Variants in AFF3 observed in about 807,000 individuals in gnomAD.
AFF3 encodes the protein AF4/FMR2 family member 3.
A neutral mutation model predicts 129.7 loss-of-function variants in AFF3; 32 were observed. The observed-to-expected ratio is 0.25, with a 90% CI of 0.19 to 0.33. AFF3 has a LOEUF of 0.33. Among genes scored for constraint, AFF3 ranks in the 10% least tolerant of loss-of-function variants. The pLI, the probability that AFF3 is intolerant of heterozygous loss-of-function variation, is 1.00. For missense variants in AFF3, 1,373 were observed against 1,592.0 expected, an observed-to-expected ratio of 0.86 and a Z score of 2.34; for synonymous variants, 644 against 635.4, an observed-to-expected ratio of 1.01 and a Z score of -0.20.
intron 8 of AFF3, among the ~76,000 whole-genome samples, chr2:99,754,313 C>T (rs1681912132): frequency 6.6e-6 from 1 of 152,228 alleles, no homozygotes; most frequent in African/African-American, 2.4e-5. Flanking sequence ...CACTGCTAAT[C>T]AGCCACTCAA....
intron 4 of AFF3, among the ~76,000 whole-genome samples, chr2:100,049,791 C>T (rs1489000760): frequency 1.3e-5 from 2 of 152,118 alleles, no homozygotes; most frequent in African/African-American, 4.8e-5. Context: ...TATAAATAAT[C>T]CAATGGGCAG....
At chr2:100,038,851 T>C (rs1415937587) in intron 4 of AFF3, among the ~76,000 whole-genome samples, 5 of 152,020 alleles carry the variant, frequency 3.3e-5, no homozygotes, top group South Asian at 2.1e-4. Flanking sequence ...GCCTCCCAAG[T>C]AGCTGGGATT....
At chr2:99,651,305 A>T (rs1304493046) in intron 12 of AFF3, among the ~76,000 whole-genome samples, 2 of 152,166 alleles carry the variant, frequency 1.3e-5, no homozygotes, top group African/African-American at 2.4e-5. Flanking sequence ...AGGCCAAGGA[A>T]GGCAGATGGC....
In AFF3 at chr2:99,996,527, ATTTTTTTTTT is replaced by A. The variant is rs756231548; in HGVS notation, c.873+10095_873+10104del. ...AGGCACCTGCCACCACGCCCGGCTA[ATTTTTTTTTT>A]TTTTTTTTTTTTTTTTGTATTTTTA... On this transcript the variant is annotated intron_variant, in intron 7 of 24. Transcript: ENST00000672756. 4.4e-4 allele frequency among the ~76,000 whole-genome samples: 50 copies of A among 114,076 alleles called. 1 individual carries two copies. The highest frequency in any genetic ancestry group is 7.9e-4 in the Admixed American group (9 of 11,374). 74.8% of individuals were successfully genotyped at this position (114,076 alleles called of 152,430 possible).
chr2:100,077,482 C>A (rs757994572), intron 4 of AFF3, among the ~76,000 whole-genome samples: 10 of 152,140 alleles, frequency 6.6e-5, no homozygotes, highest in African/African-American at 2.2e-4. Context: ...AGAAGGAGCA[C>A]AGGCCTGCCA....
At chr2:99,787,738 C>G (rs1015660791) in intron 8 of AFF3, among the ~76,000 whole-genome samples, 2 of 151,998 alleles carry the variant, frequency 1.3e-5, no homozygotes, top group African/African-American at 4.8e-5. Flanking sequence ...AACAAACAAA[C>G]GAACAAACAA....
chr2:99,918,870 C>G (rs1365066845), intron 7 of AFF3, among the ~76,000 whole-genome samples: 1 of 152,172 alleles, frequency 6.6e-6, no homozygotes, highest in Non-Finnish European at 1.5e-5. Flanking sequence ...GAAGACCAAA[C>G]TTGGGTATCT....
intron 7 of AFF3, among the ~76,000 whole-genome samples, chr2:100,003,276 G>C (rs1410114750): frequency 6.6e-6 from 1 of 152,226 alleles, no homozygotes; most frequent in African/African-American, 2.4e-5. Context: ...CCCAATGTTT[G>C]AATCTGGAAT....
chr2:100,044,270 A>G (rs1375589693), intron 4 of AFF3, among the ~76,000 whole-genome samples: 1 of 152,200 alleles, frequency 6.6e-6, no homozygotes, highest in Non-Finnish European at 1.5e-5. Context: ...CTCGTGGAAA[A>G]CAGCTCACCC....
chr2:99,777,218 C>A (rs975040293), intron 8 of AFF3, among the ~76,000 whole-genome samples: 26 of 152,256 alleles, frequency 1.7e-4, no homozygotes, highest in African/African-American at 4.8e-4. Context: ...TGAGTTCCTA[C>A]CCAGGTCCTC....
At chr2:99,682,061 C>A (rs1674586877) in intron 11 of AFF3, among the ~76,000 whole-genome samples, 1 of 152,108 alleles carries the variant, frequency 6.6e-6, no homozygotes, top group Non-Finnish European at 1.5e-5. Context: ...TGCCTGCCAC[C>A]ACACCCGGCT....
rs150462120 is a variant in AFF3 at position 100,129,868 on chromosome 2, A to G, written c.-227-562T>C. ...ATTTGCTCATGGTCACATAGCTTCT[A>G]GTGCCTGGCATGTATGAGGCCTGCA... On this transcript the variant is annotated intron_variant, in intron 1 of 24. Coordinates refer to ENST00000672756, the MANE Select transcript of AFF3 (RefSeq NM_001386135.1). 1.7e-3 allele frequency among the ~76,000 whole-genome samples: 260 copies of G among 152,308 alleles called. 2 individuals are homozygous for G. Among genetic ancestry groups the G allele is most frequent in the Middle Eastern group, 0.01 (3 of 294 alleles).
At chr2:99,737,319 C>T (rs1680340281) in intron 10 of AFF3, among the ~76,000 whole-genome samples, 1 of 152,130 alleles carries the variant, frequency 6.6e-6, no homozygotes, top group Non-Finnish European at 1.5e-5. Flanking sequence ...ACTTTCACTG[C>T]ATTTAATCTT....
intron 7 of AFF3, among the ~76,000 whole-genome samples, chr2:99,947,822 C>T (rs925890620): frequency 1.3e-5 from 2 of 152,056 alleles, no homozygotes; most frequent in Non-Finnish European, 2.9e-5. Flanking sequence ...TGGACACCAG[C>T]TCAAGAGAGA....
chr2:100,028,090 T>A (rs1473859078), intron 4 of AFF3, among the ~76,000 whole-genome samples: 2 of 152,190 alleles, frequency 1.3e-5, no homozygotes, highest in African/African-American at 4.8e-5. Flanking sequence ...GGTGAAACCA[T>A]TTTTACCTGC....
chr2:99,708,506 G>A (rs576587729), intron 11 of AFF3, among the ~76,000 whole-genome samples: 13 of 152,262 alleles, frequency 8.5e-5, no homozygotes, highest in African/African-American at 3.1e-4. Context: ...GGACCTTGGC[G>A]CAGTAACAGA....
chr2:99,842,252 C>A (rs2105818702), intron 7 of AFF3, among the ~76,000 whole-genome samples: 1 of 152,244 alleles, frequency 6.6e-6, no homozygotes, highest in South Asian at 2.1e-4. Context: ...CTGGTTTCAG[C>A]TGCAGTTGTG....
chr2:99,619,759 C>T (rs1681809583), intron 13 of AFF3, among the ~76,000 whole-genome samples: 1 of 152,138 alleles, frequency 6.6e-6, no homozygotes, highest in African/African-American at 2.4e-5. Context: ...GCGATTCTCA[C>T]ACACAGATGA....
chr2:99,649,129 G>A (rs930413732), intron 13 of AFF3, among the ~76,000 whole-genome samples: 4 of 152,122 alleles, frequency 2.6e-5, no homozygotes, highest in South Asian at 2.1e-4. Flanking sequence ...AGTAACACGC[G>A]CCAGGAGAAA....
Sources: gnomAD v4.1 joint callset for allele counts (sites outside exome capture counted in the v4.1 genomes callset) on GRCh38, gnomAD v4.1.1 for gene constraint, MANE v1.5 for transcripts, NCBI Gene and HGNC (gene_info 2026-07-23, HGNC 2026-07-21) for gene names.